NHSL1: variants seen among roughly 807,000 people sequenced by gnomAD.
NHSL1 encodes the protein NHS-like protein 1.
NHSL1 carries 48 observed loss-of-function variants against 95.0 expected under a neutral mutation model. The ratio of observed to expected loss-of-function variants is 0.51; its 90% confidence interval spans 0.40 to 0.64. NHSL1 has a LOEUF of 0.64. NHSL1 is among the 30% of genes least tolerant of loss of function. The pLI, the probability that NHSL1 is intolerant of heterozygous loss-of-function variation, is 0.00. For missense variants in NHSL1, 1,971 were observed against 2,077.7 expected, an observed-to-expected ratio of 0.95 and a Z score of 1.00; for synonymous variants, 783 against 833.9, an observed-to-expected ratio of 0.94 and a Z score of 1.05.
At chr6:138,683,687 C>A (rs565366742) in intron 1 of NHSL1, among the ~76,000 whole-genome samples, 1 of 152,208 alleles carries the variant, frequency 6.6e-6, no homozygotes, top group East Asian at 1.9e-4. Context: ...GACACTGCCA[C>A]GCGATGTTTG....
At position 138,430,617 on chromosome 6, in the gene NHSL1, G is replaced by A. The variant is rs1224723074; in HGVS notation, c.3728C>T (p.Ala1243Val). Residue 1243 changes from alanine to valine, a missense_variant, in exon 6 of 8, where the codon GCA becomes GTA. Ala to Val is a moderately conservative substitution (Grantham distance 64). Around this residue, in one of 3 missense-constraint regions of NHSL1, gnomAD observed 1,602 missense variants for 1,654.5 expected, o/e 0.97. Transcript: ENST00000343505. This position sits in a 1 kb window ranked among gnomAD's most constrained non-coding sequence, Gnocchi z 4.7. Reference sequence around the variant, plus strand: ...AGCTTGGGCTGCAGAACTCTCTTTTGCCTCCCTGCTGTGCACAGAGCCCTC... The same window carrying A: ...AGCTTGGGCTGCAGAACTCTCTTTTACCTCCCTGCTGTGCACAGAGCCCTC... ...GEEGSVHSRE[A>V]KESSAAQAGS... 3.9e-6 allele frequency: 6 copies of A among 1,550,782 alleles called. No homozygotes were observed. The highest frequency in any genetic ancestry group is 5.2e-6 in the Non-Finnish European group (6 of 1,146,374).
Position 138,424,440 on chromosome 6 carries a change from G to A in NHSL1, c.4462C>T (p.Arg1488Trp). Residue 1488 changes from arginine to tryptophan, a missense_variant, in exon 8 of 8, where the codon CGG (arginine) becomes TGG (tryptophan). Coordinates refer to ENST00000343505, the MANE Select transcript of NHSL1 (RefSeq NM_001144060.2). The surrounding 1 kb of genome is among the most constrained non-coding windows in gnomAD (Gnocchi z 5.9). ...EWAKNEGLMP[R>W]SLSFSGPRYG... is the part of the protein sequence containing the mutation. ...CTGGGGCCGGAAAAGGACAGACTCC[G>A]AGGCATCAAGCCTTCGTTCTTGGCC... The A allele has an allele frequency of 7.1e-6, 11 of 1,550,762 alleles. No homozygotes were observed. The highest frequency in any genetic ancestry group is 9.6e-6 in the Non-Finnish European group (11 of 1,146,374).
In NHSL1 at chr6:138,424,667, C is replaced by T. The variant is rs1048301577; in HGVS notation, c.4235G>A (p.Ser1412Asn). Residue 1412 changes from serine (S) to asparagine (N), a missense_variant, in exon 8 of 8, where the codon AGC (serine) becomes AAC (asparagine). Coordinates refer to ENST00000343505, the MANE Select transcript of NHSL1 (RefSeq NM_001144060.2). The surrounding 1 kb of genome is among the most constrained non-coding windows in gnomAD (Gnocchi z 5.9). Reference protein sequence around the residue: ...VGSIQRSIRKSSTSSDNFKAL... With the variant: ...VGSIQRSIRKNSTSSDNFKAL... ...TTTGAAGTTGTCACTGCTGGTGCTG[C>T]TCTTTCGGATGCTTCTCTGAATCGA... 1 of 1,551,612 alleles carries T rather than the reference C, an allele frequency of 6.4e-7. No individual in the cohort carries two copies. The highest frequency in any genetic ancestry group is 1.4e-5 in the African/African-American group (1 of 73,130).
chr6:138,514,975 G>A (rs1240084427), intron 1 of NHSL1, among the ~76,000 whole-genome samples: 1 of 151,670 alleles, frequency 6.6e-6, no homozygotes, highest in Non-Finnish European at 1.5e-5. Context: ...CTTCTTCTGA[G>A]GACGTAAGAT....
At chr6:138,570,945 C>A (rs1250527724) in intron 1 of NHSL1, among the ~76,000 whole-genome samples, 1 of 152,242 alleles carries the variant, frequency 6.6e-6, no homozygotes, top group Non-Finnish European at 1.5e-5. Flanking sequence ...AGTCCCTACA[C>A]ACACTAAGAG....
intron 2 of NHSL1, among the ~76,000 whole-genome samples, chr6:138,488,630 G>C (rs1264987130): frequency 6.6e-6 from 1 of 152,162 alleles, no homozygotes; most frequent in African/African-American, 2.4e-5. Flanking sequence ...TCAGGGGTGA[G>C]TGAGGAGACT....
At chr6:138,425,720 C>T (rs1775220501) in intron 7 of NHSL1, among the ~76,000 whole-genome samples, 2 of 152,228 alleles carry the variant, frequency 1.3e-5, no homozygotes, top group African/African-American at 4.8e-5. Flanking sequence ...TAAGATGTAC[C>T]CCACTCCAGG....
intron 1 of NHSL1, among the ~76,000 whole-genome samples, chr6:138,537,236 C>T (rs1199809855): frequency 6.6e-6 from 1 of 152,204 alleles, no homozygotes; most frequent in East Asian, 1.9e-4. Context: ...CAAACACTTC[C>T]GTTGGAGCTG....
chr6:138,607,310 T>TA (rs1219250988), intron 1 of NHSL1, among the ~76,000 whole-genome samples: 1 of 152,166 alleles, frequency 6.6e-6, no homozygotes, highest in African/African-American at 2.4e-5. Context: ...ACCTTATTGC[T>TA]ATGAACATTA....
rs180804383 is a variant in NHSL1 at position 138,622,037 on chromosome 6, C to A, written c.96+70439G>T. Among the ~76,000 whole-genome samples the A allele has an allele frequency of 3.7e-4, 56 of 152,164 alleles. No individual in the cohort carries two copies. In the South Asian group the frequency reaches 8.1e-3, roughly 22 times the overall value. On this transcript the variant is annotated intron_variant, in intron 1 of 3. Coordinates refer to the NHSL1 transcript ENST00000491526. ...AATGAGGTAAGGTGTGTGAAAGAGA[C>A]CACCCTCCTATGTAGCGGGCATTCA... is the stretch of plus-strand genomic sequence containing the variant.
intron 1 of NHSL1, among the ~76,000 whole-genome samples, chr6:138,539,240 C>T (rs1199114237): frequency 6.6e-6 from 1 of 152,116 alleles, no homozygotes; most frequent in Admixed American, 6.5e-5. Flanking sequence ...ACCCATCTTC[C>T]ACCCCGCATC....
chr6:138,684,448 C>A (rs1239447824), intron 1 of NHSL1, among the ~76,000 whole-genome samples: 1 of 152,220 alleles, frequency 6.6e-6, no homozygotes, highest in Non-Finnish European at 1.5e-5. Context: ...GAGTTCAAGA[C>A]CAGCCTGGCC....
chr6:138,689,914 C>T (rs573209054), intron 1 of NHSL1, among the ~76,000 whole-genome samples: 1 of 152,164 alleles, frequency 6.6e-6, no homozygotes, highest in African/African-American at 2.4e-5. Flanking sequence ...TCCCAAAGTG[C>T]TGGGATTACA....
At chr6:138,475,272 T>C (rs1583257355) in intron 2 of NHSL1, among the ~76,000 whole-genome samples, 2 of 151,808 alleles carry the variant, frequency 1.3e-5, no homozygotes, top group South Asian at 4.2e-4. Context: ...CAGGCTGGAG[T>C]GCAGTAGCAT....
chr6:138,640,977 T>C (rs1001103698), intron 1 of NHSL1, among the ~76,000 whole-genome samples: 4 of 152,238 alleles, frequency 2.6e-5, no homozygotes, highest in African/African-American at 9.6e-5. Context: ...CAAAATATTG[T>C]AGACTTGGTC....
intron 1 of NHSL1, among the ~76,000 whole-genome samples, chr6:138,498,447 C>T (rs1780486095): frequency 6.6e-6 from 1 of 152,190 alleles, no homozygotes; most frequent in Non-Finnish European, 1.5e-5. Flanking sequence ...GCCCACCGTG[C>T]TGCTCTTTGT....
chr6:138,464,242 C>T (rs912550201), intron 3 of NHSL1: 56 of 813,312 alleles, frequency 6.9e-5, no homozygotes, highest in Non-Finnish European at 9.2e-5. Flanking sequence ...CCATCACGGC[C>T]GGCACCGTCC....
chr6:138,602,010 T>C (rs2114564460), intron 1 of NHSL1, among the ~76,000 whole-genome samples: 1 of 152,336 alleles, frequency 6.6e-6, no homozygotes, highest in African/African-American at 2.4e-5. Flanking sequence ...TACAATGAGA[T>C]AGCAGCATAC....
chr6:138,552,797 G>A (rs1288071863), intron 1 of NHSL1, among the ~76,000 whole-genome samples: 1 of 152,128 alleles, frequency 6.6e-6, no homozygotes, highest in Non-Finnish European at 1.5e-5. Flanking sequence ...GCTCCAGTCT[G>A]TAACTCCACT....
Sources: allele counts gnomAD v4.1 joint callset (sites outside exome capture counted in the v4.1 genomes callset), GRCh38; gene constraint gnomAD v4.1.1; regional missense constraint gnomAD v4.1.1; non-coding constraint Gnocchi (gnomAD v3.1); transcripts MANE v1.5; gene names NCBI Gene and HGNC (gene_info 2026-07-23, HGNC 2026-07-21).